Variants in SLF1 observed in about 807,000 individuals in gnomAD.
SLF1 encodes SMC5-SMC6 complex localization factor protein 1.
A neutral mutation model predicts 123.0 loss-of-function variants in SLF1; 105 were observed. That is an observed-to-expected ratio of 0.85 (90% CI 0.73 to 1.00). The LOEUF is 1.00. Ranked by LOEUF, SLF1 falls within the 50% of genes least tolerant of loss-of-function variation. SLF1 has a pLI of 0.00. For synonymous variants in SLF1, 434 were observed against 406.6 expected (o/e 1.07, Z -0.81); for missense variants, 1,239 against 1,223.0 (o/e 1.01, Z -0.20).
At chr5:94,661,362 C>T (rs1205478094) in intron 9 of SLF1, among the ~76,000 whole-genome samples, 1 of 152,078 alleles carries the variant, frequency 6.6e-6, no homozygotes, top group Non-Finnish European at 1.5e-5. Context: ...GCTTCTCTGT[C>T]TTTGCTTGCC....
intron 4 of SLF1, among the ~76,000 whole-genome samples, chr5:94,636,030 C>G (rs1451478749): frequency 6.6e-6 from 1 of 152,136 alleles, no homozygotes; most frequent in Non-Finnish European, 1.5e-5. Context: ...TAATTTCTCC[C>G]TTATTTCCGA....
At chr5:94,636,541 G>C (rs1745791376) in intron 4 of SLF1, among the ~76,000 whole-genome samples, 1 of 151,920 alleles carries the variant, frequency 6.6e-6, no homozygotes, top group South Asian at 2.1e-4. Flanking sequence ...GCCTGCTGCT[G>C]TTGAAGTCTT....
Position 94,661,545 on chromosome 5 carries a change from T to A in SLF1, c.1156-753T>A, listed in dbSNP as rs11958591. 5.0e-3 allele frequency among the ~76,000 whole-genome samples: 764 copies of A among 151,900 alleles called. 6 individuals carry two copies. The highest frequency in any genetic ancestry group is 0.017 in the African/African-American group (721 of 41,448). On this transcript the variant is annotated intron_variant, in intron 9 of 20. Coordinates refer to ENST00000265140, the MANE Select transcript of SLF1 (RefSeq NM_032290.4). Reference sequence around the variant, plus strand: ...CAGGGTTTTTTGTTTTTTTGTTTTTTTTTTTTTGAGACCGGGTCTAGCTCT... The same window carrying A: ...CAGGGTTTTTTGTTTTTTTGTTTTTATTTTTTTGAGACCGGGTCTAGCTCT...
chr5:94,667,001 G>C (rs1749843924), intron 12 of SLF1, among the ~76,000 whole-genome samples: 1 of 145,076 alleles, frequency 6.9e-6, no homozygotes, highest in African/African-American at 2.6e-5. Context: ...GTTTCAGGAG[G>C]TTCATAGTGG....
Position 94,666,009 on chromosome 5 carries a change from T to C in SLF1, c.1517T>C (p.Val506Ala). ...PTCMKGAWSL[V>A]EVLIRSCLFN... is the part of the protein sequence containing the mutation. ...TGTATGAAAGGAGCATGGTCTTTAG[T>C]AGAAGTCCTTATCAGGTAAGGAATT... The change falls in exon 12 of 21, where the codon GTA (valine) becomes GCA (alanine). Residue 506 changes from valine to alanine, a missense_variant. By Grantham distance (64) the Val-to-Ala change is moderately conservative. Coordinates refer to ENST00000265140, the MANE Select transcript of SLF1 (RefSeq NM_032290.4). The C allele has an allele frequency of 6.5e-7, 1 of 1,549,904 alleles. No homozygotes were observed. Among genetic ancestry groups the C allele is most frequent in the South Asian group, 1.2e-5 (1 of 83,700 alleles).
chr5:94,652,003 T>C (rs1747781900), intron 7 of SLF1, among the ~76,000 whole-genome samples, 158 bp downstream of exon 7: 1 of 116,824 alleles, frequency 8.6e-6, no homozygotes, highest in South Asian at 2.6e-4. Flanking sequence ...TGCTGTATTA[T>C]TTTCTTTTTT....
chr5:94,691,385 C>A, intron 18 of SLF1, 179 bp from the exon 19 acceptor site: 1 of 329,692 alleles, frequency 3.0e-6, no homozygotes, highest in South Asian at 3.5e-5. Context: ...GGGGTCCTTC[C>A]CCTTCCCACC....
chr5:94,669,964 CT>C (rs144154240), intron 12 of SLF1, among the ~76,000 whole-genome samples, 186 bp from the exon 13 acceptor site: 2,470 of 151,928 alleles, frequency 0.016, 67 homozygotes, highest in African/African-American at 0.055. Context: ...GAATTAAGTA[CT>C]CATGAGATAT....
intron 15 of SLF1, among the ~76,000 whole-genome samples, chr5:94,685,598 T>C (rs756026488): frequency 6.6e-6 from 1 of 152,162 alleles, no homozygotes; most frequent in Non-Finnish European, 1.5e-5. Flanking sequence ...GGTATATTTA[T>C]GCATTTTCTT....
At chr5:94,674,996 A>C (rs756112203) in intron 14 of SLF1, among the ~76,000 whole-genome samples, 11 of 152,370 alleles carry the variant, frequency 7.2e-5, no homozygotes, top group East Asian at 3.9e-4. Flanking sequence ...CTAGAGGCCA[A>C]GTCTCCACTG....
chr5:94,689,409 C>T, intron 17 of SLF1, 64 bp from the exon 18 acceptor site: 1 of 1,507,180 alleles, frequency 6.6e-7, no homozygotes, highest in South Asian at 1.3e-5. Context: ...AAAATACCAT[C>T]TAATGTATGC....
rs1585102263 is a variant in SLF1, at chr5:94,629,034, G to T, written c.115-58G>T. On this transcript the variant is annotated intron_variant, in intron 2 of 20. Transcript: ENST00000265140. ...TTGATATTGTAGCAATAAAAAGGAT[G>T]TGTCATAAAGGGAGTCTTACTTTAG... The T allele has an allele frequency of 3.5e-6, 5 of 1,434,846 alleles. No individual in the cohort carries two copies. In the East Asian group the frequency reaches 1.3e-4, roughly 36 times the overall value. The allele number at this position is 1,434,846 out of a possible 1,614,324, so 88.9% of individuals were successfully genotyped here. A position where few individuals can be genotyped will look rare whatever the true frequency, so the allele number is the denominator to read the frequency against.
In SLF1 at chr5:94,643,334, CAT is replaced by C; in HGVS notation, c.494_495del (p.His165ArgfsTer5). ...AAAAAGTTCACCAAGTGGAATAACTCATGTGATTGCCAGTAATGCAAGAATTA... is the reference window on the plus strand; with the variant it reads ...AAAAAGTTCACCAAGTGGAATAACTCGTGATTGCCAGTAATGCAAGAATTA... ...LPKSSPSGIT[H>X]VIASNARIKA... On this transcript the variant is annotated frameshift_variant, in exon 5 of 21. Transcript: ENST00000265140. LOFTEE classifies it high-confidence loss of function. The C allele has an allele frequency of 6.5e-7, 1 of 1,544,886 alleles. No homozygotes were observed. The highest frequency in any genetic ancestry group is 8.7e-7 in the Non-Finnish European group (1 of 1,143,808).
At chr5:94,628,669 T>C in intron 1 of SLF1, 142 bp from the exon 2 acceptor site, 1 of 488,006 alleles carries the variant, frequency 2.0e-6, no homozygotes, top group Non-Finnish European at 3.5e-6. Flanking sequence ...TTTAATATTG[T>C]TTTAACAGCT....
At chr5:94,657,097 T>A (rs113152940) in intron 9 of SLF1, among the ~76,000 whole-genome samples, 321 of 151,086 alleles carry the variant, frequency 2.1e-3, no homozygotes, top group African/African-American at 7.5e-3. Context: ...TGGGGTTTGG[T>A]TTGTTCTTGC....
chr5:94,668,085 CCT>C (rs1219065529), intron 12 of SLF1, among the ~76,000 whole-genome samples: 1 of 151,878 alleles, frequency 6.6e-6, no homozygotes, highest in East Asian at 1.9e-4. Flanking sequence ...TCTCCTCTCT[CCT>C]CTCCTCTCTT....
At chr5:94,667,920 G>A (rs144722383) in intron 12 of SLF1, among the ~76,000 whole-genome samples, 14 of 151,662 alleles carry the variant, frequency 9.2e-5, no homozygotes, top group African/African-American at 3.4e-4. Context: ...GGCTAGTTTT[G>A]TATTTTTTGT....
rs139659801 is a variant in SLF1 at position 94,676,843 on chromosome 5, A to G, written c.1828-1965A>G. On this transcript the variant is annotated intron_variant, in intron 14 of 20. Coordinates refer to ENST00000265140, the MANE Select transcript of SLF1 (RefSeq NM_032290.4). Reference sequence around the variant, plus strand: ...CCAGAAATTAAACTTTGGTTTTGAAATCATTTATCTGCTAGCTAGAGCTAT... The same window carrying G: ...CCAGAAATTAAACTTTGGTTTTGAAGTCATTTATCTGCTAGCTAGAGCTAT... Among the ~76,000 whole-genome samples, 114 of 152,354 alleles carry G rather than the reference A, an allele frequency of 7.5e-4. 1 individual carries two copies. The highest frequency in any genetic ancestry group is 2.5e-3 in the African/African-American group (105 of 41,590).
chr5:94,630,398 AAG>A (rs1585105176), intron 3 of SLF1, 103 bp from the exon 4 acceptor site: 1 of 1,294,420 alleles, frequency 7.7e-7, no homozygotes, highest in East Asian at 2.5e-5. Flanking sequence ...AGCATAGCTT[AAG>A]AGTCTTATCT....
Sources: gnomAD v4.1 joint callset for allele counts (sites outside exome capture counted in the v4.1 genomes callset) on GRCh38, gnomAD v4.1.1 for gene constraint, MANE v1.5 for transcripts, NCBI Gene and HGNC (gene_info 2026-07-23, HGNC 2026-07-21) for gene names.